Variants in SAFB observed in about 807,000 individuals in gnomAD.
SAFB encodes the protein scaffold attachment factor B1.
SAFB carries 15 observed loss-of-function variants against 101.6 expected under a neutral mutation model. That is an observed-to-expected ratio of 0.15 (90% CI 0.10 to 0.23). The LOEUF (loss-of-function observed/expected upper bound fraction) is 0.23. Among genes scored for constraint, SAFB ranks in the 10% least tolerant of loss-of-function variants. The pLI is 1.00. For missense variants in SAFB, 930 were observed against 1,104.1 expected (o/e 0.84, Z 2.23); for synonymous variants, 449 against 407.5 (o/e 1.10, Z -1.23).
In SAFB at chr19:5,667,199, C is replaced by A. The variant is rs774942237; in HGVS notation, c.2453+35C>A. ...CCACACCCGACAGTACCTGACCCCC[C>A]CCCCGCCCACAAGGGGGCCCGCAAG... On this transcript the variant is annotated intron_variant, in intron 18 of 20. Coordinates refer to ENST00000588852, the MANE Select transcript of SAFB (RefSeq NM_001201338.2). This position sits in a 1 kb window ranked among gnomAD's most constrained non-coding sequence, Gnocchi z 4.0. 4 of 1,316,908 alleles carry A rather than the reference C, an allele frequency of 3.0e-6. No homozygotes were observed. Among genetic ancestry groups the A allele is most frequent in the Admixed American group, 2.2e-5 (1 of 44,632 alleles). The allele number at this position is 1,316,908 out of a possible 1,614,324, so 81.6% of individuals were successfully genotyped here. A position where few individuals can be genotyped will look rare whatever the true frequency, so the allele number is the denominator to read the frequency against.
chr19:5,645,104 A>T (rs1419885909), intron 4 of SAFB, among the ~76,000 whole-genome samples: 1 of 152,216 alleles, frequency 6.6e-6, no homozygotes, highest in Non-Finnish European at 1.5e-5. Flanking sequence ...CTTAAAACCT[A>T]CATAGCTACC....
chr19:5,627,665 ACACGTGATTT>A (rs965824287), intron 2 of SAFB, among the ~76,000 whole-genome samples: 6 of 151,676 alleles, frequency 4.0e-5, no homozygotes, highest in African/African-American at 1.5e-4. Context: ...CAGGCCCCAA[ACACGTGATTT>A]ACTCTCCTGG....
rs184096581 is a variant in SAFB, at chr19:5,662,335, T to G, written c.2153+527T>G. Reference sequence around the variant, plus strand: ...CAACATGGCAGAACCCCGTCTCTACTAAAATACAAAAAATTGGTCGTGGTG... The same window carrying G: ...CAACATGGCAGAACCCCGTCTCTACGAAAATACAAAAAATTGGTCGTGGTG... On this transcript the variant is annotated intron_variant, in intron 15 of 20. Transcript: ENST00000588852. Among the ~76,000 whole-genome samples the G allele has an allele frequency of 8.0e-4, 121 of 152,034 alleles. 1 individual carries two copies. The highest frequency in any genetic ancestry group is 2.9e-3 in the African/African-American group (119 of 41,540).
At chr19:5,665,732 G>T (rs557820355) in intron 17 of SAFB, 2 of 152,338 alleles carry the variant, frequency 1.3e-5, no homozygotes, top group African/African-American at 4.8e-5. Flanking sequence ...TGAGTCGTCA[G>T]AGTTACCCCA....
At chr19:5,657,781 T>C (rs886627264) in intron 14 of SAFB, among the ~76,000 whole-genome samples, 2 of 152,062 alleles carry the variant, frequency 1.3e-5, no homozygotes, top group African/African-American at 4.8e-5. Context: ...TGCCTTGGCC[T>C]CCCAAAGTGC....
At chr19:5,646,448 T>C (rs1232938323) in intron 5 of SAFB, among the ~76,000 whole-genome samples, 1 of 152,222 alleles carries the variant, frequency 6.6e-6, no homozygotes, top group Non-Finnish European at 1.5e-5. Flanking sequence ...CACTTTCCCC[T>C]GGCTCTTTCT....
intron 9 of SAFB, among the ~76,000 whole-genome samples, chr19:5,652,415 G>T (rs996334652): frequency 6.6e-6 from 1 of 152,144 alleles, no homozygotes; most frequent in Non-Finnish European, 1.5e-5. Context: ...CAGCAGGCCT[G>T]ATGTGGGTTA....
At chr19:5,640,311 GAT>G (rs755751362) in intron 2 of SAFB, among the ~76,000 whole-genome samples, 12 of 143,170 alleles carry the variant, frequency 8.4e-5, no homozygotes, top group Non-Finnish European at 1.8e-4. Flanking sequence ...TATTGGCAAA[GAT>G]AAAGAAAAAT....
At chr19:5,633,138 G>T (rs2053524773) in intron 2 of SAFB, among the ~76,000 whole-genome samples, 1 of 152,166 alleles carries the variant, frequency 6.6e-6, no homozygotes, top group African/African-American at 2.4e-5. Context: ...TCTGGTAGTT[G>T]CCAAATGGTG....
chr19:5,642,677 T>TTTTTTTTC (rs1162835303), intron 4 of SAFB, among the ~76,000 whole-genome samples: 1 of 140,160 alleles, frequency 7.1e-6, no homozygotes, highest in South Asian at 2.4e-4. Context: ...TTTTTTTTTT[T>TTTTTTTTC]CTGAGACAGA....
In SAFB at chr19:5,641,584, C is replaced by A; in HGVS notation, c.275-10C>A. The A allele has an allele frequency of 6.2e-7, 1 of 1,612,566 alleles. No homozygotes were observed. On this transcript the variant is annotated splice_polypyrimidine_tract_variant and intron_variant, in intron 2 of 20. Transcript: ENST00000588852. Reference sequence around the variant, plus strand: ...ATTTGATCTCATGCTGTAAATGATTCTGTCTTCAGGGCGCAAACCAGAAGA... The same window carrying A: ...ATTTGATCTCATGCTGTAAATGATTATGTCTTCAGGGCGCAAACCAGAAGA...
chr19:5,663,928 G>T (rs1202749436), intron 15 of SAFB, 94 bp from the exon 16 acceptor site: 3 of 1,358,914 alleles, frequency 2.2e-6, no homozygotes, highest in Non-Finnish European at 1.0e-6. Flanking sequence ...AAGTCATCCT[G>T]GTTCTGTGAA....
chr19:5,647,201 T>C lies in SAFB; in HGVS notation c.610-815T>C, dbSNP rs147913985. 7.9e-5 allele frequency among the ~76,000 whole-genome samples: 12 copies of C among 152,066 alleles called. No homozygotes were observed. The East Asian group carries it at 2.3e-3, about 29-fold the overall frequency. ...CAGCTGGAGTTGGGTTAGAGGGAAA[T>C]AGGGAAAGCCTTCCTGAAAGGAGAT... On this transcript the variant is annotated intron_variant, in intron 5 of 20. Coordinates refer to ENST00000588852, the MANE Select transcript of SAFB (RefSeq NM_001201338.2).
In SAFB at chr19:5,664,305, GA is replaced by G. The variant is rs1428803981; in HGVS notation, c.2292-89del. ...CGCAGGTCTCCTGCCTTCAGTTAGG[GA>G]AATTATGCTTTTCATTGGGGGCCTG... is the stretch of plus-strand genomic sequence containing the variant. On this transcript the variant is annotated intron_variant, in intron 16 of 20. Transcript: ENST00000588852. The G allele has an allele frequency of 6.9e-6, 10 of 1,449,748 alleles. No individual in the cohort carries two copies. In the African/African-American group the frequency reaches 1.3e-4, roughly 18 times the overall value. The allele number at this position is 1,449,748 out of a possible 1,614,324, so 89.8% of individuals were successfully genotyped here.
intron 1 of SAFB, among the ~76,000 whole-genome samples, chr19:5,624,290 G>C (rs1280780868): frequency 6.6e-6 from 1 of 150,800 alleles, no homozygotes; most frequent in Non-Finnish European, 1.5e-5. Context: ...GATTAAATAA[G>C]TTTGCGTGGA....
At chr19:5,665,477 A>G (rs752054631) in intron 17 of SAFB, 2 of 151,036 alleles carry the variant, frequency 1.3e-5, no homozygotes, top group African/African-American at 2.4e-5. Flanking sequence ...CATCTGTACA[A>G]ACGTGTTTAT....
chr19:5,664,320 A>G, intron 16 of SAFB, 77 bp from the exon 17 acceptor site: 1 of 1,468,080 alleles, frequency 6.8e-7, no homozygotes, highest in South Asian at 1.1e-5. Context: ...TATGCTTTTC[A>G]TTGGGGGCCT....
chr19:5,653,536 G>A (rs747106314), intron 11 of SAFB, 116 bp downstream of exon 11: 80 of 844,474 alleles, frequency 9.5e-5, no homozygotes, highest in Non-Finnish European at 1.4e-4. Context: ...GTGTGATCTC[G>A]GCTCACCTCA....
intron 2 of SAFB, among the ~76,000 whole-genome samples, chr19:5,639,248 C>T (rs1232350717): frequency 1.3e-5 from 2 of 152,154 alleles, no homozygotes; most frequent in Non-Finnish European, 2.9e-5. Flanking sequence ...AATAGTCTCA[C>T]TCAACATGAA....
Sources: gnomAD v4.1 joint callset for allele counts (sites outside exome capture counted in the v4.1 genomes callset) on GRCh38, gnomAD v4.1.1 for gene constraint, Gnocchi (gnomAD v3.1) non-coding constraint, MANE v1.5 for transcripts, NCBI Gene and HGNC (gene_info 2026-07-23, HGNC 2026-07-21) for gene names.